Variants in NMB observed in about 807,000 individuals in gnomAD.
The protein encoded by NMB is neuromedin-B.
A neutral mutation model predicts 11.7 loss-of-function variants in NMB; 12 were observed. The observed-to-expected ratio is 1.03, with a 90% CI of 0.66 to 1.66. The LOEUF (loss-of-function observed/expected upper bound fraction) is 1.66, where lower values mean the gene tolerates loss of function less well. Ranked by LOEUF, NMB falls within the 40% of genes most tolerant of loss-of-function variation. NMB has a pLI of 0.00. For synonymous variants in NMB, 76 were observed against 72.6 expected, an observed-to-expected ratio of 1.05 and a Z score of -0.24; for missense variants, 174 against 157.9, an observed-to-expected ratio of 1.10 and a Z score of -0.55.
rs529513238 is a variant in NMB at position 84,658,076 on chromosome 15, G to C, written c.77C>G (p.Pro26Arg). The C allele has an allele frequency of 8.2e-6, 13 of 1,584,528 alleles. No homozygotes were observed. Among genetic ancestry groups the C allele is most frequent in the Non-Finnish European group, 1.1e-5 (13 of 1,169,768 alleles). ...GGGCTCCGGGAGATCCCAGCTGAGC[G>C]GGGCGACGCCGGCAGCGAGCAGGGC... ...LFALLAAGVAPLSWDLPEPRS... is the reference protein window; with the variant it reads ...LFALLAAGVARLSWDLPEPRS... The change falls in exon 1 of 3, where the codon CCG becomes CGG. Residue 26 changes from proline to arginine, a missense_variant. Transcript: ENST00000360476.
chr15:84,657,761 TGGCAGTG>T (rs1413237241), intron 1 of NMB, among the ~76,000 whole-genome samples: 1 of 152,188 alleles, frequency 6.6e-6, no homozygotes, highest in East Asian at 1.9e-4. Context: ...GGGCACCGGC[TGGCAGTG>T]GGATTTAGGA....
Position 84,657,219 on chromosome 15 carries a change from T to C in NMB, c.287A>G (p.Lys96Arg). The change falls in exon 2 of 3, where the codon AAG becomes AGG. Residue 96 changes from lysine (K) to arginine (R), a missense_variant. Around this residue, in one of 2 missense-constraint regions of NMB, gnomAD observed 168 missense variants for 138.4 expected, o/e 1.21. Coordinates refer to ENST00000360476, the MANE Select transcript of NMB (RefSeq NM_021077.4). ...HDLLGILLLK[K>R]ALGVSLSRPA... ...GCGGCTGAGGCTCACGCCCAGAGCC[T>C]TCTTTAGCAGGAGGATTCCGAGCAG... 1 of 1,612,650 alleles carries C rather than the reference T, an allele frequency of 6.2e-7. No individual in the cohort carries two copies. Among genetic ancestry groups the C allele is most frequent in the Non-Finnish European group, 8.5e-7 (1 of 1,179,506 alleles).
chr15:84,658,105 G>A lies in NMB; in HGVS notation c.48C>T (p.Leu16=). The part of the protein sequence containing the change: ...GGARMFGSLL[L]FALLAAGVAP... ...CGACGCCGGCAGCGAGCAGGGCGAA[G>A]AGCAGGAGGCTGCCGAACATCCGAG... The change falls in exon 1 of 3, where the codon CTC becomes CTT. Residue 16 remains leucine (L), a synonymous_variant. Transcript: ENST00000360476. The A allele has an allele frequency of 3.8e-6, 6 of 1,564,436 alleles. No individual in the cohort carries two copies. Among genetic ancestry groups the A allele is most frequent in the Non-Finnish European group, 5.2e-6 (6 of 1,162,526 alleles).
intron 1 of NMB, among the ~76,000 whole-genome samples, chr15:84,657,743 A>G (rs1362562743): frequency 2.0e-5 from 3 of 152,194 alleles, no homozygotes; most frequent in African/African-American, 7.2e-5. Flanking sequence ...AGTCTCGCCT[A>G]AGGTAAGGGG....
At chr15:84,657,145 C>A in intron 2 of NMB, 31 bp downstream of exon 2, 1 of 1,597,086 alleles carries the variant, frequency 6.3e-7, no homozygotes. Flanking sequence ...CAGCTGGGCC[C>A]TCCTGACATT....
At chr15:84,657,470 C>T in intron 1 of NMB, 122 bp from the exon 2 acceptor site, 1 of 932,984 alleles carries the variant, frequency 1.1e-6, no homozygotes, top group Non-Finnish European at 1.5e-6. Context: ...CCTTCCTCCT[C>T]TTGGTGCTTC....
intron 2 of NMB, among the ~76,000 whole-genome samples, chr15:84,656,898 CT>C (rs1567027718): frequency 6.6e-6 from 1 of 152,172 alleles, no homozygotes; most frequent in African/African-American, 2.4e-5. Flanking sequence ...CAGTCTGTTA[CT>C]TTAGACTGGG....
chr15:84,657,591 C>G (rs140034957), intron 1 of NMB, among the ~76,000 whole-genome samples: 16 of 152,116 alleles, frequency 1.1e-4, no homozygotes, highest in African/African-American at 3.9e-4. Flanking sequence ...TGGGATGGTC[C>G]AGGGCCAGGG....
chr15:84,655,796 A>G (rs1283067303), intron 2 of NMB, among the ~76,000 whole-genome samples: 2 of 152,094 alleles, frequency 1.3e-5, no homozygotes, highest in Non-Finnish European at 2.9e-5. Context: ...CTTCAAAACC[A>G]AGGGCATTAG....
intron 2 of NMB, 133 bp from the exon 3 acceptor site, chr15:84,655,542 A>T (rs901077375): frequency 1.8e-5 from 21 of 1,158,158 alleles, no homozygotes; most frequent in Middle Eastern, 5.7e-4. Flanking sequence ...CAGGCCCCAG[A>T]GCACCCTGAA....
rs914880957 is a variant in NMB at position 84,658,153 on chromosome 15, G to A, written c.-1C>T. 2.1e-6 allele frequency: 3 copies of A among 1,460,252 alleles called. No individual in the cohort carries two copies. The African/African-American group carries it at 4.5e-5, about 22-fold the overall frequency. 90.5% of individuals were successfully genotyped at this position (1,460,252 alleles called of 1,614,324 possible). On this transcript the variant is annotated 5_prime_UTR_variant, in exon 1 of 3. Transcript: ENST00000360476. Reference sequence around the variant, plus strand: ...GAGCGCCCCCCGCCCGCCGGGCCATGGCTGTGCCCGGGCCGCGGCTTCGTT... The same window carrying A: ...GAGCGCCCCCCGCCCGCCGGGCCATAGCTGTGCCCGGGCCGCGGCTTCGTT...
chr15:84,655,543 G>A (rs1896765713), intron 2 of NMB, 134 bp from the exon 3 acceptor site: 26 of 1,156,188 alleles, frequency 2.2e-5, no homozygotes, highest in Non-Finnish European at 3.3e-5. Context: ...AGGCCCCAGA[G>A]CACCCTGAAT....
Position 84,655,263 on chromosome 15 carries a change from T to C in NMB, c.*111A>G, listed in dbSNP as rs1164844503. 1.3e-6 allele frequency: 2 copies of C among 1,595,884 alleles called. No homozygotes were observed. Among genetic ancestry groups the C allele is most frequent in the South Asian group, 2.3e-5 (2 of 88,720 alleles). ...AATCACAGTAATGGAGTAACAGAGA[T>C]TTGAGCTCAGGATTTACATCCAGAT... On this transcript the variant is annotated 3_prime_UTR_variant, in exon 3 of 3. Coordinates refer to ENST00000360476, the MANE Select transcript of NMB (RefSeq NM_021077.4).
Position 84,655,338 on chromosome 15 carries a change from C to G in NMB, c.*36G>C, listed in dbSNP as rs11629715. On this transcript the variant is annotated 3_prime_UTR_variant, in exon 3 of 3. Coordinates refer to ENST00000360476, the MANE Select transcript of NMB (RefSeq NM_021077.4). ...AGCACCTTCCCTGGGTGGGCACAAT[C>G]TAAGCCACGCTGTTGTGTCTGCCCC... is the stretch of plus-strand genomic sequence containing the variant. 6.2e-6 allele frequency: 10 copies of G among 1,614,208 alleles called. No individual in the cohort carries two copies. The highest frequency in any genetic ancestry group is 4.0e-5 in the African/African-American group (3 of 75,056).
Position 84,658,106 on chromosome 15 carries a change from A to G in NMB, c.47T>C (p.Leu16Pro), listed in dbSNP as rs1480735006. 7.0e-6 allele frequency: 11 copies of G among 1,561,888 alleles called. No individual in the cohort carries two copies. The Admixed American group carries it at 2.0e-4, about 29-fold the overall frequency. Residue 16 changes from leucine (L) to proline (P), a missense_variant, in exon 1 of 3, where the codon CTC (leucine) becomes CCC (proline). Transcript: ENST00000360476. ...GACGCCGGCAGCGAGCAGGGCGAAG[A>G]GCAGGAGGCTGCCGAACATCCGAGC... ...GGARMFGSLL[L>P]FALLAAGVAP...
At chr15:84,657,089 C>T (rs1471859919) in intron 2 of NMB, 87 bp downstream of exon 2, 1 of 1,262,828 alleles carries the variant, frequency 7.9e-7, no homozygotes, top group African/African-American at 1.5e-5. Context: ...CACCCTAATA[C>T]AGTACTGGGT....
At chr15:84,657,493 G>C in intron 1 of NMB, 145 bp from the exon 2 acceptor site, 1 of 774,790 alleles carries the variant, frequency 1.3e-6, no homozygotes, top group Non-Finnish European at 1.9e-6. Flanking sequence ...CCTCACCAAG[G>C]AGCCACAAAG....
In NMB at chr15:84,657,989, GACTT is replaced by G. The variant is rs760249987; in HGVS notation, c.157+3_157+6del. 8 of 1,590,568 alleles carry G rather than the reference GACTT, an allele frequency of 5.0e-6. No homozygotes were observed. Among genetic ancestry groups the G allele is most frequent in the Non-Finnish European group, 6.8e-6 (8 of 1,170,078 alleles). On this transcript the variant is annotated splice_donor_5th_base_variant and intron_variant, in intron 1 of 2. Coordinates refer to ENST00000360476, the MANE Select transcript of NMB (RefSeq NM_021077.4). ...GGCGCTTGCTTGCTCCGTCCCCAAA[GACTT>G]ACCGGTGGCCCAGAGGTTGCCTCGC...
At chr15:84,657,024 CCTGGAAA>C in intron 2 of NMB, 145 bp downstream of exon 2, 4 of 666,170 alleles carry the variant, frequency 6.0e-6, no homozygotes, top group Non-Finnish European at 4.6e-6. Flanking sequence ...GAGGGAAAAG[CCTGGAAA>C]CCTGGCTTTC....
Sources: allele counts gnomAD v4.1 joint callset (sites outside exome capture counted in the v4.1 genomes callset), GRCh38; gene constraint gnomAD v4.1.1; regional missense constraint gnomAD v4.1.1; transcripts MANE v1.5; gene names NCBI Gene and HGNC (gene_info 2026-07-23, HGNC 2026-07-21).